The following KHDRBS2 variants were observed in gnomAD, a reference collection of about 807,000 sequenced individuals.
The protein encoded by KHDRBS2 is KH domain-containing, RNA-binding, signal transduction-associated protein 2.
KHDRBS2 carries 26 observed loss-of-function variants against 44.3 expected under a neutral mutation model. The observed-to-expected ratio is 0.59, with a 90% CI of 0.43 to 0.81. The LOEUF (loss-of-function observed/expected upper bound fraction) is 0.81. Ranked by LOEUF, KHDRBS2 falls within the 40% of genes least tolerant of loss-of-function variation. The pLI, the probability that KHDRBS2 is intolerant of heterozygous loss-of-function variation, is 0.00. For missense variants in KHDRBS2, 476 were observed against 433.1 expected (o/e 1.10, Z -0.88); for synonymous variants, 194 against 151.1 (o/e 1.28, Z -2.08).
intron 8 of KHDRBS2, among the ~76,000 whole-genome samples, chr6:61,693,960 T>G (rs1048769589): frequency 3.3e-5 from 5 of 152,132 alleles, no homozygotes; most frequent in African/African-American, 1.2e-4. Context: ...CATTTCAAAA[T>G]GTAAATAATT....
At chr6:61,683,345 A>G (rs766199103) in intron 8 of KHDRBS2, among the ~76,000 whole-genome samples, 9 of 151,868 alleles carry the variant, frequency 5.9e-5, no homozygotes, top group Non-Finnish European at 8.8e-5. Flanking sequence ...TAGGGCAGTT[A>G]ATTGATGAGC....
At chr6:62,118,288 G>T (rs1447792652) in intron 2 of KHDRBS2, among the ~76,000 whole-genome samples, 1 of 152,110 alleles carries the variant, frequency 6.6e-6, no homozygotes, top group Non-Finnish European at 1.5e-5. Context: ...TGCTGTTTTA[G>T]TTACTATAAG....
At chr6:62,124,996 A>T (rs2150085489) in intron 2 of KHDRBS2, among the ~76,000 whole-genome samples, 1 of 152,320 alleles carries the variant, frequency 6.6e-6, no homozygotes, top group South Asian at 2.1e-4. Context: ...AATTAGGGAC[A>T]CTGAACATTT....
chr6:61,703,820 C>T (rs568825904), intron 7 of KHDRBS2, among the ~76,000 whole-genome samples: 8 of 151,954 alleles, frequency 5.3e-5, no homozygotes, highest in African/African-American at 1.9e-4. Flanking sequence ...AATGGGAAAC[C>T]TTTCACCAAA....
rs1186497084 is a variant in KHDRBS2, at chr6:61,892,948, C to T, written c.810+1687G>A. On this transcript the variant is annotated intron_variant, in intron 6 of 8. Transcript: ENST00000281156. ...GCTTCTGCACAGCAAAAGAAACTAC[C>T]ATCAGAGTGAACAGGCAACTGACAG... Among the ~76,000 whole-genome samples, 4 of 151,938 alleles carry T rather than the reference C, an allele frequency of 2.6e-5. No individual in the cohort carries two copies. In the East Asian group the frequency reaches 7.7e-4, roughly 29 times the overall value.
chr6:62,014,347 T>C (rs1562643997), intron 3 of KHDRBS2, among the ~76,000 whole-genome samples: 1 of 152,134 alleles, frequency 6.6e-6, no homozygotes, highest in African/African-American at 2.4e-5. Flanking sequence ...CTCTTAGGGA[T>C]AAAAAAGTGT....
chr6:61,743,427 T>C (rs1776427304), intron 6 of KHDRBS2, among the ~76,000 whole-genome samples: 1 of 152,084 alleles, frequency 6.6e-6, no homozygotes, highest in African/African-American at 2.4e-5. Flanking sequence ...CTCTAGTTGC[T>C]TTACTAAAGG....
At chr6:61,850,996 C>T (rs546275614) in intron 6 of KHDRBS2, among the ~76,000 whole-genome samples, 1 of 152,196 alleles carries the variant, frequency 6.6e-6, no homozygotes, top group South Asian at 2.1e-4. Context: ...GACTACCTCA[C>T]CTGGTACCCT....
chr6:61,692,975 G>C (rs143745775), intron 8 of KHDRBS2, among the ~76,000 whole-genome samples: 6 of 152,166 alleles, frequency 3.9e-5, no homozygotes, highest in Admixed American at 2.0e-4. Flanking sequence ...TTGGAATTTA[G>C]TATCAGTCTA....
At chr6:62,240,644 GTGTGTA>G (rs1382518945) in intron 1 of KHDRBS2, among the ~76,000 whole-genome samples, 36 of 120,718 alleles carry the variant, frequency 3.0e-4, no homozygotes, top group Middle Eastern at 4.4e-3. Context: ...ATATATGTGT[GTGTGTA>G]TGTGTGTATG....
At chr6:61,615,269 A>C in the KHDRBS2 span, among the ~76,000 whole-genome samples, 2 of 151,324 alleles carry the variant, frequency 1.3e-5, no homozygotes, top group Non-Finnish European at 2.9e-5. Flanking sequence ...AAAAGAAAAA[A>C]AACAAGAAGA....
intron 4 of KHDRBS2, among the ~76,000 whole-genome samples, chr6:61,923,706 A>G (rs1424822813): frequency 1.3e-5 from 2 of 152,160 alleles, no homozygotes; most frequent in African/African-American, 4.8e-5. Flanking sequence ...ATGAAAAACC[A>G]ACAAATATCA....
At chr6:62,174,117 C>T (rs902305323) in intron 2 of KHDRBS2, among the ~76,000 whole-genome samples, 1 of 151,708 alleles carries the variant, frequency 6.6e-6, no homozygotes, top group African/African-American at 2.4e-5. Context: ...GAAAGCCAAA[C>T]TATCCTTATT....
chr6:62,075,763 T>C (rs1796207494), intron 2 of KHDRBS2, among the ~76,000 whole-genome samples: 1 of 151,702 alleles, frequency 6.6e-6, no homozygotes, highest in Non-Finnish European at 1.5e-5. Context: ...ATTATGAAAA[T>C]CTTAATTAAG....
intron 3 of KHDRBS2, among the ~76,000 whole-genome samples, chr6:62,002,237 A>C (rs1043957082): frequency 6.6e-6 from 1 of 151,966 alleles, no homozygotes; most frequent in Non-Finnish European, 1.5e-5. Flanking sequence ...GGTTTCTAAA[A>C]TTTCCTATTA....
chr6:61,927,466 GT>G (rs1809194390), intron 4 of KHDRBS2, among the ~76,000 whole-genome samples: 2 of 152,096 alleles, frequency 1.3e-5, no homozygotes, highest in East Asian at 3.8e-4. Context: ...CAAAAAAGTG[GT>G]GCTTGGTACC....
At chr6:61,979,381 T>C (rs1424103574) in intron 3 of KHDRBS2, among the ~76,000 whole-genome samples, 1 of 152,126 alleles carries the variant, frequency 6.6e-6, no homozygotes, top group Non-Finnish European at 1.5e-5. Context: ...ATGTAATTCT[T>C]GGTTTTATGT....
intron 3 of KHDRBS2, among the ~76,000 whole-genome samples, chr6:61,983,080 C>T (rs867527258): frequency 6.8e-6 from 1 of 147,246 alleles, no homozygotes; most frequent in South Asian, 2.1e-4. Context: ...AATCTGTTCT[C>T]AAAAAAAAAA....
intron 3 of KHDRBS2, among the ~76,000 whole-genome samples, chr6:62,030,898 T>C (rs997957720): frequency 3.3e-5 from 5 of 152,034 alleles, no homozygotes; most frequent in Non-Finnish European, 5.9e-5. Context: ...TTACCATCAA[T>C]AGGAGAATGA....
Sources: gnomAD v4.1 joint callset for allele counts (sites outside exome capture counted in the v4.1 genomes callset) on GRCh38, gnomAD v4.1.1 for gene constraint, MANE v1.5 for transcripts, NCBI Gene and HGNC (gene_info 2026-07-23, HGNC 2026-07-21) for gene names.